The following HDAC9 variants were observed in gnomAD, a reference collection of about 807,000 sequenced individuals.
HDAC9 encodes the protein MEF-2 interacting transcription repressor (MITR) protein.
Under a neutral mutation model 139.4 loss-of-function variants are expected in HDAC9, and 41 were observed. The ratio of observed to expected loss-of-function variants is 0.29; its 90% CI spans 0.23 to 0.38. The LOEUF is 0.38. Ranked by LOEUF, HDAC9 falls within the 10% of genes least tolerant of loss-of-function variation. The pLI, the probability that HDAC9 is intolerant of heterozygous loss-of-function variation, is 1.00. For missense variants in HDAC9, 1,147 were observed against 1,297.0 expected (o/e 0.88, Z 1.78); for synonymous variants, 517 against 476.2 (o/e 1.09, Z -1.12).
intron 8 of HDAC9, among the ~76,000 whole-genome samples, chr7:18,636,332 G>T (rs535956948): frequency 1.0e-3 from 152 of 152,146 alleles, no homozygotes; most frequent in African/African-American, 3.6e-3. Flanking sequence ...ACAGAGCAGA[G>T]GGCAGATCCT....
At chr7:18,214,103 C>T (rs1792129722) in intron 2 of HDAC9, among the ~76,000 whole-genome samples, 1 of 152,064 alleles carries the variant, frequency 6.6e-6, no homozygotes, top group African/African-American at 2.4e-5. Context: ...AGCCTCACTA[C>T]AACATAGTAT....
At chr7:18,715,581 A>C (rs3852248) in intron 12 of HDAC9, among the ~76,000 whole-genome samples, 28 of 152,046 alleles carry the variant, frequency 1.8e-4, no homozygotes, top group African/African-American at 6.5e-4. Flanking sequence ...GTTTTCTTGG[A>C]ATGAGAGGGT....
intron 2 of HDAC9, among the ~76,000 whole-genome samples, chr7:18,510,741 A>C (rs1458341317): frequency 6.6e-6 from 1 of 152,212 alleles, no homozygotes; most frequent in Non-Finnish European, 1.5e-5. Flanking sequence ...CAGAATAAGG[A>C]GTTAACATAG....
chr7:18,477,045 C>G (rs1206793344), intron 1 of HDAC9, among the ~76,000 whole-genome samples: 1 of 152,152 alleles, frequency 6.6e-6, no homozygotes, highest in East Asian at 1.9e-4. Flanking sequence ...GCCTTTGGTA[C>G]TGAACACCCT....
At chr7:18,849,817 C>T (rs1012401878) in intron 21 of HDAC9, among the ~76,000 whole-genome samples, 3 of 152,050 alleles carry the variant, frequency 2.0e-5, no homozygotes, top group African/African-American at 7.2e-5. Context: ...ATTACTTTTC[C>T]TGGTTAGAAA....
chr7:18,129,846 G>C (rs1034803421), intron 1 of HDAC9, among the ~76,000 whole-genome samples: 1 of 152,144 alleles, frequency 6.6e-6, no homozygotes, highest in Non-Finnish European at 1.5e-5. Context: ...AATATGTAAT[G>C]GCAAAGTGAT....
intron 2 of HDAC9, among the ~76,000 whole-genome samples, chr7:18,231,628 A>G (rs1434959810): frequency 6.6e-6 from 1 of 152,216 alleles, no homozygotes; most frequent in East Asian, 1.9e-4. Flanking sequence ...GTGGAATTTT[A>G]ACAGCAGTCA....
At chr7:18,466,166 AC>A (rs1328659941) in intron 1 of HDAC9, among the ~76,000 whole-genome samples, 1 of 152,106 alleles carries the variant, frequency 6.6e-6, no homozygotes, top group African/African-American at 2.4e-5. Flanking sequence ...GAGGTTACTC[AC>A]CTTCCTTGTC....
At chr7:18,138,527 G>GGGGT (rs1554306542) in intron 1 of HDAC9, among the ~76,000 whole-genome samples, 4 of 142,668 alleles carry the variant, frequency 2.8e-5, no homozygotes, top group Admixed American at 2.1e-4. Context: ...GAGAGAGAGA[G>GGGGT]GTGTGTGTGT....
chr7:18,220,726 T>G (rs1009608914), intron 2 of HDAC9, among the ~76,000 whole-genome samples: 9 of 152,154 alleles, frequency 5.9e-5, no homozygotes, highest in African/African-American at 2.2e-4. Context: ...TGAAGCAAAC[T>G]GTAGACCATC....
At chr7:18,601,896 A>T (rs1834047494) in intron 6 of HDAC9, among the ~76,000 whole-genome samples, 2 of 152,300 alleles carry the variant, frequency 1.3e-5, no homozygotes, top group African/African-American at 4.8e-5. Context: ...TTTAAAATCT[A>T]TATTCAGGAG....
intron 2 of HDAC9, among the ~76,000 whole-genome samples, chr7:18,199,536 A>G (rs935650228): frequency 2.6e-5 from 4 of 152,074 alleles, no homozygotes; most frequent in Non-Finnish European, 5.9e-5. Flanking sequence ...CTGTAATCCT[A>G]ATGCTTTGGT....
At chr7:18,527,027 G>A (rs557701089) in intron 2 of HDAC9, among the ~76,000 whole-genome samples, 28 of 152,186 alleles carry the variant, frequency 1.8e-4, no homozygotes, top group African/African-American at 6.3e-4. Flanking sequence ...AAAAAGGTGA[G>A]CTTTTACAAG....
At chr7:18,568,873 C>T (rs975522643) in intron 2 of HDAC9, among the ~76,000 whole-genome samples, 1 of 151,914 alleles carries the variant, frequency 6.6e-6, no homozygotes, top group Non-Finnish European at 1.5e-5. Context: ...TATAGAGAAA[C>T]CTCCTCTCTA....
At chr7:18,816,002 T>G (rs920495845) in intron 17 of HDAC9, among the ~76,000 whole-genome samples, 34 of 152,324 alleles carry the variant, frequency 2.2e-4, no homozygotes, top group Admixed American at 1.5e-3. Flanking sequence ...TAGCTGGGTT[T>G]AGGGGCTATG....
At chr7:18,887,488 C>G (rs1278335218) in intron 22 of HDAC9, among the ~76,000 whole-genome samples, 1 of 152,080 alleles carries the variant, frequency 6.6e-6, no homozygotes, top group Non-Finnish European at 1.5e-5. Context: ...AGAAATAGTA[C>G]AAATCACGTG....
chr7:18,398,688 G>A (rs1469696907), intron 1 of HDAC9, among the ~76,000 whole-genome samples: 1 of 151,994 alleles, frequency 6.6e-6, no homozygotes, highest in Non-Finnish European at 1.5e-5. Context: ...TTTAAATATG[G>A]TTAAACTAAG....
chr7:18,951,614 TC>T (rs1361450218), intron 23 of HDAC9, among the ~76,000 whole-genome samples: 3 of 140,120 alleles, frequency 2.1e-5, no homozygotes, highest in Admixed American at 2.1e-4. Context: ...TCCTTATTTA[TC>T]TTTTAATAAT....
chr7:18,411,503 T>A (rs1056261228), intron 1 of HDAC9, among the ~76,000 whole-genome samples: 4 of 152,146 alleles, frequency 2.6e-5, no homozygotes, highest in Non-Finnish European at 5.9e-5. Context: ...GCCTCGCATG[T>A]AGCTGGGGCT....
Sources: gnomAD v4.1 joint callset for allele counts (sites outside exome capture counted in the v4.1 genomes callset) on GRCh38, gnomAD v4.1.1 for gene constraint, MANE v1.5 for transcripts, NCBI Gene and HGNC (gene_info 2026-07-23, HGNC 2026-07-21) for gene names.